The following NCAM1 variants were observed in gnomAD, a reference collection of about 807,000 sequenced individuals.
NCAM1 encodes neural cell adhesion molecule 1.
NCAM1 carries 14 observed loss-of-function variants against 109.8 expected under a neutral mutation model. The observed-to-expected ratio is 0.13, with a 90% CI of 0.08 to 0.20. NCAM1 has a LOEUF of 0.20. Among genes scored for constraint, NCAM1 ranks in the 10% least tolerant of loss-of-function variants. The pLI is 1.00. For synonymous variants in NCAM1, 418 were observed against 442.9 expected (o/e 0.94, Z 0.70); for missense variants, 774 against 1,109.9 (o/e 0.70, Z 4.30).
chr11:113,005,736 G>T (rs182138434), intron 1 of NCAM1, among the ~76,000 whole-genome samples: 1 of 152,124 alleles, frequency 6.6e-6, no homozygotes, highest in Non-Finnish European at 1.5e-5. Context: ...TCTATTTTCA[G>T]CTTCTGTCTC....
chr11:113,235,327 G>C (rs781785881), intron 14 of NCAM1, 163 bp downstream of exon 14: 1 of 1,414,600 alleles, frequency 7.1e-7, no homozygotes, highest in East Asian at 2.3e-5. Context: ...GGTTCTCAGT[G>C]ACAGCTAACA....
At chr11:113,031,328 A>G (rs1464870379) in intron 1 of NCAM1, among the ~76,000 whole-genome samples, 1 of 152,114 alleles carries the variant, frequency 6.6e-6, no homozygotes. Context: ...CTTCACCACT[A>G]CCTTGGGAGG....
At chr11:113,048,428 A>T (rs143674030) in intron 1 of NCAM1, among the ~76,000 whole-genome samples, 5 of 152,336 alleles carry the variant, frequency 3.3e-5, no homozygotes, top group African/African-American at 4.8e-5. Context: ...GCACACTTGC[A>T]GAGATCACCA....
chr11:113,141,299 C>T (rs1941810398), intron 1 of NCAM1, among the ~76,000 whole-genome samples: 1 of 152,090 alleles, frequency 6.6e-6, no homozygotes, highest in South Asian at 2.1e-4. Flanking sequence ...CAGTTACAGA[C>T]CAGGTGGCAG....
rs185170408 is a variant in NCAM1, at chr11:113,240,914, T to C, written c.1826-5454T>C. 9.2e-4 allele frequency: 1,250 copies of C among 1,353,402 alleles called. 3 individuals are homozygous for C. Among genetic ancestry groups the C allele is most frequent in the Non-Finnish European group, 1.2e-3 (1,161 of 945,378 alleles). The allele number at this position is 1,353,402 out of a possible 1,614,324, so 83.8% of individuals were successfully genotyped here. On this transcript the variant is annotated intron_variant, in intron 14 of 19. Transcript: ENST00000316851. Reference sequence around the variant, plus strand: ...TTTGTTTTGCCTAATGTTATCTCCTTCACCAGGTGATAATTCAACTCAGTT... The same window carrying C: ...TTTGTTTTGCCTAATGTTATCTCCTCCACCAGGTGATAATTCAACTCAGTT...
At chr11:113,048,644 C>A (rs1953353094) in intron 1 of NCAM1, among the ~76,000 whole-genome samples, 1 of 152,142 alleles carries the variant, frequency 6.6e-6, no homozygotes, top group Non-Finnish European at 1.5e-5. Context: ...TTTAATTTTT[C>A]TCATCTGTAA....
In NCAM1 at chr11:113,185,689, T is replaced by C. The variant is rs146429517; in HGVS notation, c.53-16690T>C. Among the ~76,000 whole-genome samples the C allele has an allele frequency of 5.3e-4, 81 of 152,312 alleles. No homozygotes were observed. In the East Asian group the frequency reaches 0.014, roughly 26 times the overall value. Reference sequence around the variant, plus strand: ...AGTAGGCAGAACAACATTAGAATGATTGTAAAAATAAGCAATTCCAGGAAG... The same window carrying C: ...AGTAGGCAGAACAACATTAGAATGACTGTAAAAATAAGCAATTCCAGGAAG... On this transcript the variant is annotated intron_variant, in intron 1 of 19. Transcript: ENST00000316851.
At chr11:112,984,735 A>G (rs1951249690) in intron 1 of NCAM1, among the ~76,000 whole-genome samples, 1 of 151,950 alleles carries the variant, frequency 6.6e-6, no homozygotes, top group African/African-American at 2.4e-5. Flanking sequence ...GCCCATTTTT[A>G]AATTGGTTTA....
chr11:113,205,119 A>G (rs1297498116), intron 3 of NCAM1, among the ~76,000 whole-genome samples: 1 of 152,154 alleles, frequency 6.6e-6, no homozygotes, highest in Non-Finnish European at 1.5e-5. Context: ...TGGGACTGGG[A>G]GTAGCAGTTC....
intron 1 of NCAM1, among the ~76,000 whole-genome samples, chr11:113,143,814 T>C (rs782403057): frequency 1.4e-4 from 21 of 152,150 alleles, no homozygotes; most frequent in Non-Finnish European, 2.5e-4. Flanking sequence ...GAAGGGCCTG[T>C]CCCTTGCTGT....
chr11:112,998,623 C>A (rs1555071849), intron 1 of NCAM1, among the ~76,000 whole-genome samples: 1 of 152,070 alleles, frequency 6.6e-6, no homozygotes, highest in African/African-American at 2.4e-5. Context: ...ATTTAAAATA[C>A]AAACATTTAC....
chr11:113,268,665 A>G (rs1353334081), intron 17 of NCAM1, among the ~76,000 whole-genome samples: 1 of 152,208 alleles, frequency 6.6e-6, no homozygotes, highest in Admixed American at 6.5e-5. Flanking sequence ...GGGCACACAG[A>G]GCCATCAATA....
Position 113,129,971 on chromosome 11 carries a change from G to A in NCAM1, c.53-72408G>A, listed in dbSNP as rs745832559. ...TTGCCCTTTTTAATGTTATTATCAC[G>A]TTTTTTAACAGCACTAACAGCACTT... On this transcript the variant is annotated intron_variant, in intron 1 of 19. Coordinates refer to ENST00000316851, the MANE Select transcript of NCAM1 (RefSeq NM_181351.5). Among the ~76,000 whole-genome samples the A allele has an allele frequency of 8.4e-4, 128 of 152,156 alleles. 1 individual carries two copies. Among genetic ancestry groups the A allele is most frequent in the Admixed American group, 7.6e-3 (116 of 15,272 alleles).
intron 1 of NCAM1, among the ~76,000 whole-genome samples, chr11:113,097,378 C>A (rs1213343344): frequency 3.3e-5 from 5 of 152,130 alleles, no homozygotes; most frequent in African/African-American, 1.2e-4. Flanking sequence ...TATATTTTTC[C>A]AAGACTTAAC....
chr11:113,232,894 G>T, intron 12 of NCAM1, 80 bp downstream of exon 12: 1 of 1,284,610 alleles, frequency 7.8e-7, no homozygotes. Flanking sequence ...GTACTTGAGT[G>T]ATTCCAGGAT....
chr11:113,059,698 A>G (rs1471067664), intron 1 of NCAM1, among the ~76,000 whole-genome samples: 1 of 152,140 alleles, frequency 6.6e-6, no homozygotes, highest in Non-Finnish European at 1.5e-5. Flanking sequence ...GCCATATTCC[A>G]TCGGTCCAGG....
At chr11:112,983,445 G>A (rs1555069083) in intron 1 of NCAM1, among the ~76,000 whole-genome samples, 3 of 151,746 alleles carry the variant, frequency 2.0e-5, no homozygotes, top group Non-Finnish European at 1.5e-5. Flanking sequence ...TGGGAAGAGG[G>A]TGAATTCTTC....
At chr11:113,055,994 T>G (rs1173287486) in intron 1 of NCAM1, among the ~76,000 whole-genome samples, 7 of 97,594 alleles carry the variant, frequency 7.2e-5, no homozygotes, top group South Asian at 3.4e-4. Flanking sequence ...TATATATATA[T>G]ATATATATAT....
At chr11:113,215,327 C>G (rs1321658178) in intron 8 of NCAM1, among the ~76,000 whole-genome samples, 1 of 152,144 alleles carries the variant, frequency 6.6e-6, no homozygotes, top group East Asian at 1.9e-4. Flanking sequence ...TGGTACTTCT[C>G]CAATCTCATC....
Sources: gnomAD v4.1 joint callset for allele counts (sites outside exome capture counted in the v4.1 genomes callset) on GRCh38, gnomAD v4.1.1 for gene constraint, MANE v1.5 for transcripts, NCBI Gene and HGNC (gene_info 2026-07-23, HGNC 2026-07-21) for gene names.